PPARGC1A: variants seen among roughly 807,000 people sequenced by gnomAD.
PPARGC1A encodes PPARG coactivator 1 alpha.
In PPARGC1A, 25 loss-of-function variants were observed where a neutral mutation model predicts 88.7. The observed-to-expected ratio is 0.28, with a 90% confidence interval of 0.21 to 0.39. The LOEUF (loss-of-function observed/expected upper bound fraction) is 0.39, where lower values mean the gene tolerates loss of function less well. Among genes scored for constraint, PPARGC1A ranks in the 10% least tolerant of loss-of-function variants. The probability of loss-of-function intolerance (pLI) is 1.00; values close to 1 mark genes in which losing one functional copy is unlikely to be tolerated. For synonymous variants in PPARGC1A, 363 were observed against 355.6 expected (o/e 1.02, Z -0.24); for missense variants, 880 against 968.7 (o/e 0.91, Z 1.22).
chr4:24,287,481 A>T, the PPARGC1A span, among the ~76,000 whole-genome samples: 1 of 152,290 alleles, frequency 6.6e-6, no homozygotes, highest in Admixed American at 6.5e-5. Flanking sequence ...CTAGCCACTT[A>T]TCTATGAATA....
At chr4:24,319,562 A>G in the PPARGC1A span, among the ~76,000 whole-genome samples, 1 of 152,238 alleles carries the variant, frequency 6.6e-6, no homozygotes, top group African/African-American at 2.4e-5. Flanking sequence ...TTAAAAAGGA[A>G]AAAAACAATA....
At chr4:24,334,158 A>AAAATTGGC in the PPARGC1A span, among the ~76,000 whole-genome samples, 1 of 152,030 alleles carries the variant, frequency 6.6e-6, no homozygotes, top group Non-Finnish European at 1.5e-5. Flanking sequence ...TTCTAACAGG[A>AAAATTGGC]AAATTGGCAC....
chr4:23,843,640 T>C (rs1260076336), intron 2 of PPARGC1A, among the ~76,000 whole-genome samples: 1 of 152,070 alleles, frequency 6.6e-6, no homozygotes, highest in Non-Finnish European at 1.5e-5. Context: ...AAGAACACTG[T>C]ACAATAAGCC....
chr4:23,817,049 A>G (rs1448740436), intron 7 of PPARGC1A, among the ~76,000 whole-genome samples: 1 of 152,136 alleles, frequency 6.6e-6, no homozygotes, highest in East Asian at 1.9e-4. Context: ...CCAGCCCTAG[A>G]GTGTCTGCCG....
chr4:24,014,350 G>A, the PPARGC1A span, among the ~76,000 whole-genome samples: 2 of 152,174 alleles, frequency 1.3e-5, no homozygotes, highest in Admixed American at 6.5e-5. Context: ...GCAGGCACAG[G>A]TGCCATCAGA....
the PPARGC1A span, among the ~76,000 whole-genome samples, chr4:24,036,066 T>A: frequency 3.9e-5 from 6 of 152,212 alleles, no homozygotes; most frequent in African/African-American, 7.2e-5. Context: ...ACTAGCTGCA[T>A]AACCTTGGGC....
At chr4:24,134,250 T>C in the PPARGC1A span, among the ~76,000 whole-genome samples, 5 of 152,248 alleles carry the variant, frequency 3.3e-5, no homozygotes, top group Admixed American at 2.6e-4. Context: ...CAAATTTTGA[T>C]TGATCCCACT....
the PPARGC1A span, among the ~76,000 whole-genome samples, chr4:24,446,140 T>G: frequency 6.6e-6 from 1 of 152,166 alleles, no homozygotes; most frequent in Non-Finnish European, 1.5e-5. Context: ...TAAGGCAGCT[T>G]TCTCTCAACA....
chr4:24,016,269 T>C, the PPARGC1A span, among the ~76,000 whole-genome samples: 1 of 152,162 alleles, frequency 6.6e-6, no homozygotes, highest in Admixed American at 6.5e-5. Context: ...TACTGAGAAA[T>C]TGGGTCACAA....
upstream of PPARGC1A, among the ~76,000 whole-genome samples, chr4:23,891,867 T>C (rs2148858819): frequency 6.6e-6 from 1 of 152,356 alleles, no homozygotes; most frequent in East Asian, 1.9e-4. Flanking sequence ...AAAGAAACAC[T>C]AATTTTCTTC....
chr4:24,467,661 C>CAA, the PPARGC1A span, among the ~76,000 whole-genome samples: 1 of 112,874 alleles, frequency 8.9e-6, no homozygotes, highest in Non-Finnish European at 1.9e-5. Context: ...AATGCCAAGC[C>CAA]AAAAAAAAAA....
At chr4:24,070,047 TATAACAG>T in the PPARGC1A span, among the ~76,000 whole-genome samples, 2 of 152,186 alleles carry the variant, frequency 1.3e-5, no homozygotes, top group Non-Finnish European at 2.9e-5. Context: ...AGGGATTTTA[TATAACAG>T]ATACTTTCTA....
chr4:23,952,630 G>A, the PPARGC1A span, among the ~76,000 whole-genome samples: 3 of 152,084 alleles, frequency 2.0e-5, no homozygotes, highest in Admixed American at 6.6e-5. Flanking sequence ...TAGGGGGCCC[G>A]AAACTTGTAT....
At chr4:24,202,877 C>T in the PPARGC1A span, among the ~76,000 whole-genome samples, 1 of 152,178 alleles carries the variant, frequency 6.6e-6, no homozygotes, top group East Asian at 1.9e-4. Flanking sequence ...CCAGTGCCCC[C>T]TGAAGCCATC....
chr4:23,975,204 G>T, the PPARGC1A span, among the ~76,000 whole-genome samples: 1 of 152,060 alleles, frequency 6.6e-6, no homozygotes, highest in Non-Finnish European at 1.5e-5. Flanking sequence ...GAAGATTTGC[G>T]ATTGTAAAGT....
At chr4:24,013,545 A>T in the PPARGC1A span, among the ~76,000 whole-genome samples, 88,727 of 151,836 alleles carry the variant, frequency 0.58, 26,403 homozygotes, top group African/African-American at 0.65. Context: ...GGCATGGTTT[A>T]TCTTCCTAGA....
the PPARGC1A span, among the ~76,000 whole-genome samples, chr4:24,032,458 C>T: frequency 6.6e-6 from 1 of 152,216 alleles, no homozygotes; most frequent in Non-Finnish European, 1.5e-5. Flanking sequence ...GACCACTGAG[C>T]TACCATTCCT....
At chr4:24,355,917 C>G in the PPARGC1A span, among the ~76,000 whole-genome samples, 1 of 152,136 alleles carries the variant, frequency 6.6e-6, no homozygotes, top group Non-Finnish European at 1.5e-5. Flanking sequence ...GAGTTTACGG[C>G]GGGGCACGAT....
chr4:24,049,147 T>C, the PPARGC1A span, among the ~76,000 whole-genome samples: 1 of 150,730 alleles, frequency 6.6e-6, no homozygotes, highest in Admixed American at 6.6e-5. Flanking sequence ...CGTATGTGTG[T>C]GTGTGAGTGT....
Sources: allele counts gnomAD v4.1 joint callset (sites outside exome capture counted in the v4.1 genomes callset), GRCh38; gene constraint gnomAD v4.1.1; transcripts MANE v1.5; gene names NCBI Gene and HGNC (gene_info 2026-07-23, HGNC 2026-07-21).